PNMA8B: variants seen among roughly 807,000 people sequenced by gnomAD.
PNMA8B encodes PNMA family member 8B, also known as paraneoplastic antigen-like protein 8B.
For synonymous variants in PNMA8B, 386 were observed against 394.9 expected (o/e 0.98, Z 0.27); for missense variants, 887 against 885.8 (o/e 1.00, Z -0.02).
Position 46,493,853 on chromosome 19 carries a change from G to A in PNMA8B, c.1613C>T (p.Ala538Val), listed in dbSNP as rs1970045828. ...RASRKPRAKR[A>V]RTAPRGLTPA... ...AGTCAGGCCCCTGGGGGCCGTGCGCGCCCTCTTGGCCCGGGGCTTCCTGGA... is the reference window on the plus strand; with the variant it reads ...AGTCAGGCCCCTGGGGGCCGTGCGCACCCTCTTGGCCCGGGGCTTCCTGGA... Residue 538 changes from alanine (A) to valine (V), a missense_variant, in exon 1 of 1, where the codon GCG (alanine) becomes GTG (valine). By Grantham distance (64) the Ala-to-Val change is moderately conservative. Coordinates refer to ENST00000599531, the MANE Select transcript of PNMA8B (RefSeq NM_020709.3). This position sits in a 1 kb window ranked among gnomAD's most constrained non-coding sequence, Gnocchi z 5.3. 3.4e-6 allele frequency: 5 copies of A among 1,489,862 alleles called. No homozygotes were observed. In the African/African-American group the frequency reaches 4.3e-5, roughly 13 times the overall value. The allele number at this position is 1,489,862 out of a possible 1,614,324, so 92.3% of individuals were successfully genotyped here.
Position 46,495,415 on chromosome 19 carries a change from C to A in PNMA8B, c.51G>T (p.Ala17=). The A allele has an allele frequency of 6.8e-7, 1 of 1,473,186 alleles. No individual in the cohort carries two copies. Among genetic ancestry groups the A allele is most frequent in the Non-Finnish European group, 9.5e-7 (1 of 1,052,762 alleles). 91.3% of individuals were successfully genotyped at this position (1,473,186 alleles called of 1,614,324 possible). A position where few individuals can be genotyped will look rare whatever the true frequency, so the allele number is the denominator to read the frequency against. ...QDWCRSLDVD[A]HRALLVTGIP... is the part of the protein sequence containing the mutation. ...TGCCGGTGACCAGCAGGGCCCTGTG[C>A]GCGTCCACGTCCAGGCTCCGGCACC... is the stretch of plus-strand genomic sequence containing the variant. Residue 17 remains alanine (A), a synonymous_variant, in exon 1 of 1, where the codon GCG becomes GCT. Transcript: ENST00000599531.
In PNMA8B at chr19:46,494,312, C is replaced by A; in HGVS notation, c.1154G>T (p.Gly385Val). Residue 385 changes from glycine to valine, a missense_variant, in exon 1 of 1, where the codon GGG becomes GTG. Gly to Val is a moderately radical substitution (Grantham distance 109, BLOSUM62 -3). Transcript: ENST00000599531. ...VLSVMSKDTN[G>V]TRVKVEEAGR... ...CGCCTCTTCCACCTTCACGCGGGTC[C>A]CGTTAGTGTCCTTGGACATGACGGA... The A allele has an allele frequency of 6.2e-7, 1 of 1,612,950 alleles. No homozygotes were observed. The highest frequency in any genetic ancestry group is 8.5e-7 in the Non-Finnish European group (1 of 1,179,810).
Position 46,494,720 on chromosome 19 carries a change from C to T in PNMA8B, c.746G>A (p.Gly249Asp). 6.2e-7 allele frequency: 1 copy of T among 1,614,030 alleles called. No individual in the cohort carries two copies. Among genetic ancestry groups the T allele is most frequent in the Non-Finnish European group, 8.5e-7 (1 of 1,179,890 alleles). The change falls in exon 1 of 1, where the codon GGT becomes GAT. Residue 249 changes from glycine to aspartate, a missense_variant. By Grantham distance (94) the Gly-to-Asp change is moderately conservative. Transcript: ENST00000599531. ...APCNSEGEEDGPREFLALVTV... is the reference protein window; with the variant it reads ...APCNSEGEEDDPREFLALVTV... ...GACCAGAGCCAAGAACTCGCGGGGA[C>T]CGTCTTCTTCCCCCTCGGAGTTGCA...
At position 46,494,293 on chromosome 19, in the gene PNMA8B, T is replaced by C. The variant is rs1438403454; in HGVS notation, c.1173A>G (p.Glu391=). Reference sequence around the variant, plus strand: ...CGGCGTCCACCTCGCGGCCCGCCTCTTCCACCTTCACGCGGGTCCCGTTAG... The same window carrying C: ...CGGCGTCCACCTCGCGGCCCGCCTCCTCCACCTTCACGCGGGTCCCGTTAG... The part of the protein sequence containing the change: ...KDTNGTRVKV[E]EAGREVDAVV... Residue 391 remains glutamate, a synonymous_variant, in exon 1 of 1, where the codon GAA becomes GAG. Transcript: ENST00000599531. The C allele has an allele frequency of 6.2e-7, 1 of 1,612,186 alleles. No homozygotes were observed. The highest frequency in any genetic ancestry group is 1.3e-5 in the African/African-American group (1 of 75,056).
Position 46,495,516 on chromosome 19 carries a change from G to C in PNMA8B, c.-51C>G. On this transcript the variant is annotated 5_prime_UTR_variant, in exon 1 of 1. Transcript: ENST00000599531. ...TGGGGCAGCAGGGAGCCCGAGATAG[G>C]GGTGGGCTGCAGCGCACGGTGTCAA... 5.8e-6 allele frequency: 9 copies of C among 1,546,842 alleles called. No individual in the cohort carries two copies. The South Asian group carries it at 8.6e-5, about 15-fold the overall frequency.
Position 46,495,750 on chromosome 19 carries a change from C to T in PNMA8B, c.-285G>A. 1 of 407,426 alleles carries T rather than the reference C, an allele frequency of 2.5e-6. No individual in the cohort carries two copies. The allele number at this position is 407,426 out of a possible 1,614,324, so 25.2% of individuals were successfully genotyped here. ...TCCAGGACAGCTCCCTCCCTCTCTC[C>T]CTGACACAGGCCTGAGTGACTCGGC... On this transcript the variant is annotated 5_prime_UTR_variant, in exon 1 of 1. Transcript: ENST00000599531.
chr19:46,492,642 G>C lies in PNMA8B; in HGVS notation c.*916C>G, dbSNP rs1043283017. On this transcript the variant is annotated 3_prime_UTR_variant, in exon 1 of 1. Coordinates refer to ENST00000599531, the MANE Select transcript of PNMA8B (RefSeq NM_020709.3). ...AGGGCTGCAAGGCCAGCGCTGAGCG[G>C]TGGGTCAGCTCCACTGGAGAGGGGG... 6.6e-6 allele frequency: 1 copy of C among 152,538 alleles called. No homozygotes were observed. The highest frequency in any genetic ancestry group is 2.4e-5 in the African/African-American group (1 of 41,468). The allele number at this position is 152,538 out of a possible 1,614,324, so 9.4% of individuals were successfully genotyped here.
In PNMA8B at chr19:46,495,063, T is replaced by A. The variant is rs780603949; in HGVS notation, c.403A>T (p.Thr135Ser). 6.2e-7 allele frequency: 1 copy of A among 1,611,748 alleles called. No individual in the cohort carries two copies. The highest frequency in any genetic ancestry group is 1.1e-5 in the South Asian group (1 of 91,074). The change falls in exon 1 of 1, where the codon ACG becomes TCG. Residue 135 changes from threonine (T) to serine (S), a missense_variant. Physicochemically the swap from Thr to Ser is moderately conservative, Grantham distance 58 (BLOSUM62 1). Transcript: ENST00000599531. ...ACCTCCCCAGAATCCTGGGCCTGCG[T>A]CTCCGAAGCGGGAGGGGTGGGTGCC... The part of the protein sequence containing the change: ...GEAPTPPASE[T>S]QAQDSGEVTG...
Position 46,493,933 on chromosome 19 carries a change from G to C in PNMA8B, c.1533C>G (p.Ser511=), listed in dbSNP as rs193045013. 2,447 of 1,606,516 alleles carry C rather than the reference G, an allele frequency of 1.5e-3. 25 individuals are homozygous for C. In the African/African-American group the frequency reaches 0.028, roughly 19 times the overall value. ...TCTCGGTGTCCTCCGACTCCTCCTC[G>C]GACTGTTCGTCCGAAGCCTCCTCCG... The part of the protein sequence containing the change: ...EGSEEASDEQ[S]EEESEDTESE... Residue 511 remains serine, a synonymous_variant, in exon 1 of 1, where the codon TCC becomes TCG. Transcript: ENST00000599531. This position sits in a 1 kb window ranked among gnomAD's most constrained non-coding sequence, Gnocchi z 5.3.
At position 46,493,838 on chromosome 19, in the gene PNMA8B, C is replaced by T; in HGVS notation, c.1628G>A (p.Arg543Lys). The change falls in exon 1 of 1, where the codon AGG becomes AAG. Residue 543 changes from arginine to lysine, a missense_variant. By Grantham distance (26) the Arg-to-Lys change is conservative. Transcript: ENST00000599531. The surrounding 1 kb of genome is among the most constrained non-coding windows in gnomAD (Gnocchi z 5.3). ...AGGCGCGCCGGCCGGAGTCAGGCCC[C>T]TGGGGGCCGTGCGCGCCCTCTTGGC... ...PRAKRARTAP[R>K]GLTPAGAPPT... 1 of 1,470,990 alleles carries T rather than the reference C, an allele frequency of 6.8e-7. No individual in the cohort carries two copies. The highest frequency in any genetic ancestry group is 8.9e-7 in the Non-Finnish European group (1 of 1,118,804). The allele number at this position is 1,470,990 out of a possible 1,614,324, so 91.1% of individuals were successfully genotyped here.
At position 46,493,763 on chromosome 19, in the gene PNMA8B, C is replaced by T. The variant is rs1338976848; in HGVS notation, c.1703G>A (p.Gly568Asp). ...RKTRAGGRGR[G>D]RGVTPEKKAG... ...TTTCTTCTCGGGAGTGACGCCCCGG[C>T]CTCGGCCTCGGCCGCCCGCGCGGGT... is the stretch of plus-strand genomic sequence containing the variant. Residue 568 changes from glycine (G) to aspartate (D), a missense_variant, in exon 1 of 1, where the codon GGC becomes GAC. Gly to Asp is a moderately conservative substitution (Grantham distance 94). Coordinates refer to ENST00000599531, the MANE Select transcript of PNMA8B (RefSeq NM_020709.3). This position sits in a 1 kb window ranked among gnomAD's most constrained non-coding sequence, Gnocchi z 5.3. The T allele has an allele frequency of 1.8e-6, 2 of 1,082,718 alleles. No homozygotes were observed. Among genetic ancestry groups the T allele is most frequent in the African/African-American group, 1.7e-5 (1 of 57,656 alleles). The allele number at this position is 1,082,718 out of a possible 1,614,324, so 67.1% of individuals were successfully genotyped here.
Position 46,495,412 on chromosome 19 carries a change from G to A in PNMA8B, c.54C>T (p.His18=), listed in dbSNP as rs1423468918. 1 of 1,467,294 alleles carries A rather than the reference G, an allele frequency of 6.8e-7. No individual in the cohort carries two copies. The allele number at this position is 1,467,294 out of a possible 1,614,324, so 90.9% of individuals were successfully genotyped here. Residue 18 remains histidine, a synonymous_variant, in exon 1 of 1, where the codon CAC becomes CAT. Coordinates refer to ENST00000599531, the MANE Select transcript of PNMA8B (RefSeq NM_020709.3). The part of the protein sequence containing the change: ...DWCRSLDVDA[H]RALLVTGIPE... ...GGATGCCGGTGACCAGCAGGGCCCT[G>A]TGCGCGTCCACGTCCAGGCTCCGGC...
In PNMA8B at chr19:46,495,304, C is replaced by G. The variant is rs1160028673; in HGVS notation, c.162G>C (p.Met54Ile). The change falls in exon 1 of 1, where the codon ATG becomes ATC. Residue 54 changes from methionine to isoleucine, a missense_variant. Coordinates refer to ENST00000599531, the MANE Select transcript of PNMA8B (RefSeq NM_020709.3). ...GGGCCTTCTCGTTCATCAAAGCCTT[C>G]ATGTGTCGCAACCTGAACGTGCCCA... The part of the protein sequence containing the change: ...LPLGTFRLRH[M>I]KALMNEKAQA... 4 of 1,387,286 alleles carry G rather than the reference C, an allele frequency of 2.9e-6. No homozygotes were observed. Among genetic ancestry groups the G allele is most frequent in the Non-Finnish European group, 4.1e-6 (4 of 972,702 alleles). The allele number at this position is 1,387,286 out of a possible 1,614,324, so 85.9% of individuals were successfully genotyped here. A position where few individuals can be genotyped will look rare whatever the true frequency, so the allele number is the denominator to read the frequency against.
chr19:46,495,112 G>A lies in PNMA8B; in HGVS notation c.354C>T (p.Ala118=), dbSNP rs763619828. Reference sequence around the variant, plus strand: ...CCTCCCCGGGGGTCCCAGCCTCCGCGGCCTGCGTGGGCCCGTCATCCAGCA... The same window carrying A: ...CCTCCCCGGGGGTCCCAGCCTCCGCAGCCTGCGTGGGCCCGTCATCCAGCA... ...RLLLDDGPTQ[A]AEAGTPGEAP... Residue 118 remains alanine, a synonymous_variant, in exon 1 of 1, where the codon GCC becomes GCT. Transcript: ENST00000599531. 4 of 1,613,576 alleles carry A rather than the reference G, an allele frequency of 2.5e-6. No homozygotes were observed. Among genetic ancestry groups the A allele is most frequent in the South Asian group, 2.2e-5 (2 of 91,076 alleles).
At position 46,494,275 on chromosome 19, in the gene PNMA8B, C is replaced by T. The variant is rs1970055732; in HGVS notation, c.1191G>A (p.Val397=). 1.9e-6 allele frequency: 3 copies of T among 1,610,556 alleles called. No homozygotes were observed. The highest frequency in any genetic ancestry group is 2.5e-6 in the Non-Finnish European group (3 of 1,179,492). Residue 397 remains valine, a synonymous_variant, in exon 1 of 1, where the codon GTG becomes GTA. Coordinates refer to ENST00000599531, the MANE Select transcript of PNMA8B (RefSeq NM_020709.3). The stretch of plus-strand genomic sequence containing the variant: ...CGGCCTTGCGCAGGACCACGGCGTC[C>T]ACCTCGCGGCCCGCCTCTTCCACCT... ...RVKVEEAGRE[V]DAVVLRKAGD...
Position 46,493,977 on chromosome 19 carries a change from T to A in PNMA8B, c.1489A>T (p.Met497Leu), listed in dbSNP as rs2147485216. 6.2e-7 allele frequency: 1 copy of A among 1,613,458 alleles called. No homozygotes were observed. The highest frequency in any genetic ancestry group is 8.5e-7 in the Non-Finnish European group (1 of 1,179,772). Reference sequence around the variant, plus strand: ...TCCTCCGACCCCTCGTTGGACCCCATGTTCTCCCGGGCGGCCAGGAGCGCC... The same window carrying A: ...TCCTCCGACCCCTCGTTGGACCCCAAGTTCTCCCGGGCGGCCAGGAGCGCC... ...VLALLAARENMGSNEGSEEAS... is the reference protein window; with the variant it reads ...VLALLAARENLGSNEGSEEAS... Residue 497 changes from methionine to leucine, a missense_variant, in exon 1 of 1, where the codon ATG becomes TTG. Coordinates refer to ENST00000599531, the MANE Select transcript of PNMA8B (RefSeq NM_020709.3). The surrounding 1 kb of genome is among the most constrained non-coding windows in gnomAD (Gnocchi z 5.3).
Position 46,495,090 on chromosome 19 carries a change from C to G in PNMA8B, c.376G>C (p.Glu126Gln). The change falls in exon 1 of 1, where the codon GAG becomes CAG. Residue 126 changes from glutamate to glutamine, a missense_variant. Coordinates refer to ENST00000599531, the MANE Select transcript of PNMA8B (RefSeq NM_020709.3). ...TQAAEAGTPG[E>Q]APTPPASETQ... ...TCCGAAGCGGGAGGGGTGGGTGCCTCCCCGGGGGTCCCAGCCTCCGCGGCC... is the reference window on the plus strand; with the variant it reads ...TCCGAAGCGGGAGGGGTGGGTGCCTGCCCGGGGGTCCCAGCCTCCGCGGCC... 6.2e-7 allele frequency: 1 copy of G among 1,612,942 alleles called. No homozygotes were observed. The highest frequency in any genetic ancestry group is 2.2e-5 in the East Asian group (1 of 44,860).
At position 46,495,017 on chromosome 19, in the gene PNMA8B, A is replaced by C. The variant is rs1970071565; in HGVS notation, c.449T>G (p.Leu150Arg). The change falls in exon 1 of 1, where the codon CTT (leucine) becomes CGT (arginine). Residue 150 changes from leucine (L) to arginine (R), a missense_variant. Leu to Arg is a moderately radical substitution (Grantham distance 102, BLOSUM62 -2). Coordinates refer to ENST00000599531, the MANE Select transcript of PNMA8B (RefSeq NM_020709.3). ...SGEVTGQAGS[L>R]LGAARNPRRG... ...CCTTGGGTTCCTGGCTGCCCCAAGA[A>C]GCGAGCCAGCCTGCCCTGTTACCTC... 1.2e-6 allele frequency: 2 copies of C among 1,609,216 alleles called. No individual in the cohort carries two copies. The highest frequency in any genetic ancestry group is 3.3e-5 in the Admixed American group (2 of 59,992).
chr19:46,494,708 A>T lies in PNMA8B; in HGVS notation c.758T>A (p.Phe253Tyr), dbSNP rs1265088491. 1 of 1,613,962 alleles carries T rather than the reference A, an allele frequency of 6.2e-7. No individual in the cohort carries two copies. Among genetic ancestry groups the T allele is most frequent in the South Asian group, 1.1e-5 (1 of 91,080 alleles). Residue 253 changes from phenylalanine (F) to tyrosine (Y), a missense_variant, in exon 1 of 1, where the codon TTC becomes TAC. Transcript: ENST00000599531. ...GTCGGTGACGGTGACCAGAGCCAAGAACTCGCGGGGACCGTCTTCTTCCCC... is the reference window on the plus strand; with the variant it reads ...GTCGGTGACGGTGACCAGAGCCAAGTACTCGCGGGGACCGTCTTCTTCCCC... The part of the protein sequence containing the change: ...SEGEEDGPRE[F>Y]LALVTVTDKS...
Sources: gnomAD v4.1 joint callset for allele counts on GRCh38, gnomAD v4.1.1 for gene constraint, Gnocchi (gnomAD v3.1) non-coding constraint, MANE v1.5 for transcripts, NCBI Gene and HGNC (gene_info 2026-07-23, HGNC 2026-07-21) for gene names.